TEP1: variants seen among roughly 807,000 people sequenced by gnomAD.
The protein encoded by TEP1 is telomerase associated protein 1, also known as telomerase protein component 1.
A neutral mutation model predicts 306.3 loss-of-function variants in TEP1; 241 were observed. That is an observed-to-expected ratio of 0.79 (90% CI 0.71 to 0.88). The LOEUF (loss-of-function observed/expected upper bound fraction) is 0.88. Among genes scored for constraint, TEP1 ranks in the 40% least tolerant of loss-of-function variants. The pLI is 0.00. For synonymous variants in TEP1, 1,289 were observed against 1,305.5 expected, an observed-to-expected ratio of 0.99 and a Z score of 0.27; for missense variants, 3,051 against 3,276.1, an observed-to-expected ratio of 0.93 and a Z score of 1.68.
chr14:20,373,613 A>C (rs1392001493), intron 45 of TEP1, 30 bp from the exon 46 acceptor site: 1 of 1,614,202 alleles, frequency 6.2e-7, no homozygotes, highest in Non-Finnish European at 8.5e-7. Flanking sequence ...GAGTCAGAAG[A>C]AGGGACGGAG....
intron 20 of TEP1, among the ~76,000 whole-genome samples, 175 bp from the exon 21 acceptor site, chr14:20,385,284 C>T (rs1288427306): frequency 1.3e-5 from 2 of 151,606 alleles, no homozygotes; most frequent in African/African-American, 2.4e-5. Flanking sequence ...ATTTTTTTTT[C>T]CTGGAACAAG....
At chr14:20,400,497 CAAAA>C (rs71108598) in intron 9 of TEP1, among the ~76,000 whole-genome samples, 10 of 85,490 alleles carry the variant, frequency 1.2e-4, no homozygotes, top group Non-Finnish European at 1.6e-4. Flanking sequence ...AAAAGTAGAC[CAAAA>C]AAAAAAAAAA....
chr14:20,371,474 CA>C lies in TEP1; in HGVS notation c.7220+14del. The C allele has an allele frequency of 6.2e-7, 1 of 1,609,826 alleles. No homozygotes were observed. The highest frequency in any genetic ancestry group is 1.3e-5 in the African/African-American group (1 of 74,618). ...TTTTCCCCAGCTCAGGAGGAAATGG[CA>C]TTTTGGATCTTACCAGATTTCAGAT... is the stretch of plus-strand genomic sequence containing the variant. On this transcript the variant is annotated intron_variant, in intron 50 of 54. Transcript: ENST00000262715.
chr14:20,412,513 C>G (rs1017778548), intron 1 of TEP1, among the ~76,000 whole-genome samples: 1 of 152,134 alleles, frequency 6.6e-6, no homozygotes, highest in East Asian at 1.9e-4. Context: ...CAGTTTTATA[C>G]TAACAGTTTC....
In TEP1 at chr14:20,408,455, T is replaced by G. The variant is rs1455648674; in HGVS notation, c.-16A>C. The G allele has an allele frequency of 6.2e-7, 1 of 1,605,164 alleles. No individual in the cohort carries two copies. The highest frequency in any genetic ancestry group is 8.5e-7 in the Non-Finnish European group (1 of 1,177,360). The stretch of plus-strand genomic sequence containing the variant: ...GTTTTTCCATGGCTGAAACTCAGCT[T>G]GTATATGCCTAGAAGGAGAGAAAGA... On this transcript the variant is annotated 5_prime_UTR_variant, in exon 2 of 55. Coordinates refer to ENST00000262715, the MANE Select transcript of TEP1 (RefSeq NM_007110.5).
At chr14:20,409,777 T>C (rs1466482798) in intron 1 of TEP1, among the ~76,000 whole-genome samples, 1 of 152,020 alleles carries the variant, frequency 6.6e-6, no homozygotes, top group East Asian at 1.9e-4. Context: ...TCCCAGCACT[T>C]TGGGAGGCCG....
intron 33 of TEP1, 97 bp from the exon 34 acceptor site, chr14:20,380,572 T>TA (rs1885475195): frequency 1.5e-6 from 2 of 1,307,934 alleles, no homozygotes; most frequent in Non-Finnish European, 2.0e-6. Flanking sequence ...ATAGTAAGTC[T>TA]CAAAGTGTGG....
At chr14:20,391,838 G>T in intron 12 of TEP1, 71 bp from the exon 13 acceptor site, 1 of 1,547,116 alleles carries the variant, frequency 6.5e-7, no homozygotes, top group Admixed American at 1.8e-5. Context: ...ACGGGGAGAT[G>T]AGAAGTTGCC....
intron 44 of TEP1, among the ~76,000 whole-genome samples, chr14:20,374,150 G>A (rs1479296158): frequency 2.0e-5 from 3 of 151,322 alleles, no homozygotes; most frequent in Non-Finnish European, 4.4e-5. Context: ...GAGTGCAGTG[G>A]TTTGATCATA....
chr14:20,367,028 C>G lies in TEP1; in HGVS notation c.*1409G>C, dbSNP rs187712836. The G allele has an allele frequency of 1.6e-4, 24 of 152,342 alleles. No homozygotes were observed. Among genetic ancestry groups the G allele is most frequent in the Middle Eastern group, 3.4e-3 (1 of 294 alleles). 9.4% of individuals were successfully genotyped at this position (152,342 alleles called of 1,614,324 possible). A position where few individuals can be genotyped will look rare whatever the true frequency, so the allele number is the denominator to read the frequency against. ...AAAGTTAAGCAAAGGCTAACCTGCT[C>G]AATAGATTCTTCCATATGATTGAAT... is the stretch of plus-strand genomic sequence containing the variant. On this transcript the variant is annotated 3_prime_UTR_variant, in exon 55 of 55. Transcript: ENST00000262715.
In TEP1 at chr14:20,377,466, G is replaced by A; in HGVS notation, c.5902C>T (p.Leu1968=). The part of the protein sequence containing the change: ...SGSQGAQGQA[L]DVAVSALAWL... ...GCCAGGGCGGACACTGCCACATCCA[G>A]TGCCTGACCCTGAGCCCCCTGGGAA... The change falls in exon 41 of 55, where the codon CTG becomes TTG. Residue 1968 remains leucine, a synonymous_variant. Coordinates refer to ENST00000262715, the MANE Select transcript of TEP1 (RefSeq NM_007110.5). 6.2e-7 allele frequency: 1 copy of A among 1,614,072 alleles called. No homozygotes were observed. Among genetic ancestry groups the A allele is most frequent in the Non-Finnish European group, 8.5e-7 (1 of 1,179,974 alleles).
intron 8 of TEP1, 30 bp from the exon 9 acceptor site, chr14:20,401,171 T>C: frequency 1.2e-6 from 2 of 1,610,474 alleles, no homozygotes; most frequent in Non-Finnish European, 1.7e-6. Context: ...AGGTCTATCA[T>C]TTCAGAGTCA....
rs4982007 is a variant in TEP1 at position 20,368,786 on chromosome 14, A to C, written c.7761+12T>G. On this transcript the variant is annotated intron_variant, in intron 54 of 54. Coordinates refer to ENST00000262715, the MANE Select transcript of TEP1 (RefSeq NM_007110.5). ...CACGCACACACACACACACACACACACACACACTTACCAGCTGCATACTGG... is the reference window on the plus strand; with the variant it reads ...CACGCACACACACACACACACACACCCACACACTTACCAGCTGCATACTGG... The C allele has an allele frequency of 6.9e-5, 108 of 1,563,980 alleles. No individual in the cohort carries two copies. Among genetic ancestry groups the C allele is most frequent in the Non-Finnish European group, 8.9e-5 (101 of 1,136,818 alleles).
intron 18 of TEP1, 110 bp from the exon 19 acceptor site, chr14:20,386,733 C>G (rs1877199983): frequency 2.4e-6 from 3 of 1,241,262 alleles, no homozygotes; most frequent in Non-Finnish European, 3.1e-6. Flanking sequence ...GTACGACAGA[C>G]AGCAGATGGG....
chr14:20,373,832 A>G, intron 44 of TEP1, 22 bp from the exon 45 acceptor site: 4 of 1,609,598 alleles, frequency 2.5e-6, no homozygotes, highest in Non-Finnish European at 2.5e-6. Flanking sequence ...GCACAAGATC[A>G]GAGCAGAGTC....
In TEP1 at chr14:20,387,924, C is replaced by T; in HGVS notation, c.2665G>A (p.Ala889Thr). 2 of 1,608,482 alleles carry T rather than the reference C, an allele frequency of 1.2e-6. No homozygotes were observed. The highest frequency in any genetic ancestry group is 1.7e-6 in the Non-Finnish European group (2 of 1,178,308). Residue 889 changes from alanine to threonine, a missense_variant, in exon 18 of 55, where the codon GCT becomes ACT. By Grantham distance (58) the Ala-to-Thr change is moderately conservative. Around this residue, in one of 3 missense-constraint regions of TEP1, gnomAD observed 1,507 missense variants for 1,550.5 expected, o/e 0.97. Transcript: ENST00000262715. ...ACTGACCCTTGCTGGGAAACAGGAG[C>T]CAAGGGGCTTGGAGTGTCCTCTTCC... Reference protein sequence around the residue: ...PLEEDTPSPLAPVSQQGWRSI... With the variant: ...PLEEDTPSPLTPVSQQGWRSI...
At chr14:20,380,145 G>C in intron 34 of TEP1, 90 bp downstream of exon 34, 2 of 1,580,580 alleles carry the variant, frequency 1.3e-6, no homozygotes, top group South Asian at 2.4e-5. Context: ...TCCCTCTCCA[G>C]TGTTTCTGGT....
In TEP1 at chr14:20,396,622, G is replaced by C. The variant is rs76466486; in HGVS notation, c.1658C>G (p.Ala553Gly). ...HELILQRLQHAKSVIHSRQFP... is the reference protein window; with the variant it reads ...HELILQRLQHGKSVIHSRQFP... The stretch of plus-strand genomic sequence containing the variant: ...TGGCTACCAGCCCCTCACACATACC[G>C]CATGCTGGAGTCTCTGGAGAATGAG... The change falls in exon 10 of 55, where the codon GCG becomes GGG. Residue 553 changes from alanine to glycine, a missense_variant and splice_region_variant. Ala to Gly is a moderately conservative substitution (Grantham distance 60). Transcript: ENST00000262715. 5,108 of 1,604,490 alleles carry C rather than the reference G, an allele frequency of 3.2e-3. 14 individuals are homozygous for C. Among genetic ancestry groups the C allele is most frequent in the Non-Finnish European group, 4.2e-3 (4,873 of 1,172,310 alleles).
chr14:20,372,301 G>C (rs778475957), intron 49 of TEP1, among the ~76,000 whole-genome samples: 7 of 151,892 alleles, frequency 4.6e-5, no homozygotes, highest in Non-Finnish European at 7.4e-5. Flanking sequence ...CATTCTGTAA[G>C]TGTCCAACCT....
Sources: gnomAD v4.1 joint callset for allele counts (sites outside exome capture counted in the v4.1 genomes callset) on GRCh38, gnomAD v4.1.1 for gene constraint, gnomAD v4.1.1 regional missense constraint, MANE v1.5 for transcripts, NCBI Gene and HGNC (gene_info 2026-07-23, HGNC 2026-07-21) for gene names.